The following MMP26 variants were observed in gnomAD, a reference collection of about 807,000 sequenced individuals.
MMP26 encodes the protein matrix metalloproteinase-26.
MMP26 carries 33 observed loss-of-function variants against 31.0 expected under a neutral mutation model. The ratio of observed to expected loss-of-function variants is 1.06; its 90% CI spans 0.81 to 1.42. The LOEUF is 1.42. Ranked by LOEUF, MMP26 falls within the 40% of genes most tolerant of loss-of-function variation. The probability of loss-of-function intolerance (pLI) is 0.00; values close to 1 mark genes in which losing one functional copy is unlikely to be tolerated. For synonymous variants in MMP26, 122 were observed against 114.9 expected (o/e 1.06, Z -0.40); for missense variants, 347 against 316.1 (o/e 1.10, Z -0.74).
Position 4,955,861 on chromosome 11 carries a change from G to C in MMP26, c.-144-32207G>C, listed in dbSNP as rs1268233065. ...TTGTGGCTTCTTTCAGCTTTCTTTTGAGAGAACAAAGCATTTATGTGGCTA... is the reference window on the plus strand; with the variant it reads ...TTGTGGCTTCTTTCAGCTTTCTTTTCAGAGAACAAAGCATTTATGTGGCTA... On this transcript the variant is annotated intron_variant, in intron 2 of 7. Transcript: ENST00000380390. 4 of 618,810 alleles carry C rather than the reference G, an allele frequency of 6.5e-6. No homozygotes were observed. In the African/African-American group the frequency reaches 7.4e-5, roughly 11 times the overall value. The allele number at this position is 618,810 out of a possible 1,614,324, so 38.3% of individuals were successfully genotyped here.
rs116760629 is a variant in MMP26 at position 4,850,296 on chromosome 11, C to T, written c.-145+82955C>T. Among the ~76,000 whole-genome samples the T allele has an allele frequency of 5.5e-3, 839 of 152,254 alleles. 8 individuals are homozygous for T. The highest frequency in any genetic ancestry group is 0.019 in the African/African-American group (801 of 41,550). The stretch of plus-strand genomic sequence containing the variant: ...ATAATCCAAAGCAGATCTTAACAGA[C>T]ACATCTTAATGCCTCTTTCAGAGTC... On this transcript the variant is annotated intron_variant, in intron 2 of 7. Coordinates refer to ENST00000380390, the MANE Select transcript of MMP26 (RefSeq NM_021801.5).
intron 1 of MMP26, among the ~76,000 whole-genome samples, chr11:4,725,362 G>A (rs983533687): frequency 2.6e-5 from 4 of 152,286 alleles, no homozygotes; most frequent in East Asian, 1.9e-4. Flanking sequence ...ATAGAGGAAC[G>A]CATATATAAC....
intron 1 of MMP26, among the ~76,000 whole-genome samples, chr11:4,734,335 A>C (rs1041335484): frequency 3.3e-5 from 5 of 152,116 alleles, no homozygotes; most frequent in African/African-American, 1.2e-4. Flanking sequence ...ACTTGTATCA[A>C]ATAATTAACT....
In MMP26 at chr11:4,975,500, T is replaced by C. The variant is rs533459318; in HGVS notation, c.-144-12568T>C. ...TCTATCAGGGCTTGTAAGATTGTTA[T>C]TTGCTTATTTATTCCATATGGCTGA... On this transcript the variant is annotated intron_variant, in intron 2 of 7. Coordinates refer to ENST00000380390, the MANE Select transcript of MMP26 (RefSeq NM_021801.5). Among the ~76,000 whole-genome samples, 10 of 152,202 alleles carry C rather than the reference T, an allele frequency of 6.6e-5. No individual in the cohort carries two copies. The East Asian group carries it at 1.4e-3, about 21-fold the overall frequency.
chr11:4,859,623 T>A, intron 2 of MMP26: 1 of 440,826 alleles, frequency 2.3e-6, no homozygotes. Flanking sequence ...GACCCTATTT[T>A]TTTTGCCTCT....
chr11:4,901,165 T>G (rs999581996), intron 2 of MMP26, among the ~76,000 whole-genome samples: 10 of 139,218 alleles, frequency 7.2e-5, no homozygotes, highest in Non-Finnish European at 1.6e-4. Flanking sequence ...TTTTTTTTTT[T>G]TTTTTTTTTT....
chr11:4,976,251 T>A (rs1305000580), intron 2 of MMP26, among the ~76,000 whole-genome samples: 5 of 151,992 alleles, frequency 3.3e-5, no homozygotes, highest in African/African-American at 4.8e-5. Context: ...TAAAATAAAG[T>A]TCAGTATTTA....
chr11:4,735,089 G>A (rs1848221991), intron 1 of MMP26, among the ~76,000 whole-genome samples: 1 of 152,204 alleles, frequency 6.6e-6, no homozygotes, highest in Admixed American at 6.5e-5. Flanking sequence ...GGGGAAGAAG[G>A]AGAAAGCCCT....
At chr11:4,733,504 C>CT (rs940230281) in intron 1 of MMP26, among the ~76,000 whole-genome samples, 2 of 151,924 alleles carry the variant, frequency 1.3e-5, no homozygotes, top group African/African-American at 4.8e-5. Context: ...AATACAATTG[C>CT]TTTTTTTATT....
intron 1 of MMP26, chr11:4,712,392 A>G (rs1355794719): frequency 6.6e-6 from 1 of 152,208 alleles, no homozygotes; most frequent in Non-Finnish European, 1.5e-5. Flanking sequence ...TTCTCCCAGT[A>G]GAAGCCTGAA....
At chr11:4,874,639 A>G (rs1850356026) in intron 2 of MMP26, among the ~76,000 whole-genome samples, 2 of 151,654 alleles carry the variant, frequency 1.3e-5, no homozygotes, top group African/African-American at 2.4e-5. Context: ...GTTATGATAA[A>G]TACAAAGTTC....
intron 2 of MMP26, chr11:4,875,950 T>C (rs1414768612): frequency 6.6e-6 from 1 of 152,142 alleles, no homozygotes; most frequent in African/African-American, 2.4e-5. Context: ...AGGTCAGAGC[T>C]TTAAATTCCT....
rs1341728648 is a variant in MMP26, at chr11:4,827,275, T to C, written c.-145+59934T>C. Among the ~76,000 whole-genome samples, 4 of 152,176 alleles carry C rather than the reference T, an allele frequency of 2.6e-5. No individual in the cohort carries two copies. In the East Asian group the frequency reaches 7.7e-4, roughly 29 times the overall value. Reference sequence around the variant, plus strand: ...AAAATGCAGTCACCTCAGAATGAGGTATGAGCCATTTCTTCTGCTGTACTG... The same window carrying C: ...AAAATGCAGTCACCTCAGAATGAGGCATGAGCCATTTCTTCTGCTGTACTG... On this transcript the variant is annotated intron_variant, in intron 2 of 7. Coordinates refer to ENST00000380390, the MANE Select transcript of MMP26 (RefSeq NM_021801.5).
chr11:4,912,431 G>A (rs1052347425), intron 2 of MMP26, among the ~76,000 whole-genome samples: 4 of 152,122 alleles, frequency 2.6e-5, no homozygotes, highest in Non-Finnish European at 5.9e-5. Context: ...ATCACAGAGA[G>A]AATCCAGCTG....
Position 4,989,830 on chromosome 11 carries a change from A to G in MMP26, c.282A>G (p.Pro94=), listed in dbSNP as rs1183233066. The change falls in exon 4 of 8, where the codon CCA becomes CCG. Residue 94 remains proline, a synonymous_variant. Coordinates refer to ENST00000380390, the MANE Select transcript of MMP26 (RefSeq NM_021801.5). The stretch of plus-strand genomic sequence containing the variant: ...ATGGGTCCGACACCTCCATCTCGCC[A>G]GGAAGATGCAAGTGGAATAAGCACA... ...VPDGSDTSIS[P]GRCKWNKHTL... is the part of the protein sequence containing the mutation. The G allele has an allele frequency of 6.2e-7, 1 of 1,612,054 alleles. No individual in the cohort carries two copies. The highest frequency in any genetic ancestry group is 1.7e-5 in the Admixed American group (1 of 60,030).
At chr11:4,709,263 T>A (rs930162448) in intron 1 of MMP26, among the ~76,000 whole-genome samples, 3 of 152,176 alleles carry the variant, frequency 2.0e-5, no homozygotes, top group Admixed American at 6.6e-5. Flanking sequence ...CATTTTCTAT[T>A]ATTGAAACTA....
At chr11:4,981,302 T>C (rs1175237628) in intron 2 of MMP26, among the ~76,000 whole-genome samples, 1 of 152,118 alleles carries the variant, frequency 6.6e-6, no homozygotes, top group African/African-American at 2.4e-5. Flanking sequence ...AGAAATGCAT[T>C]GTCATGAGAA....
intron 1 of MMP26, chr11:4,719,704 T>C (rs979005821): frequency 1.3e-5 from 2 of 152,238 alleles, no homozygotes; most frequent in African/African-American, 4.8e-5. Context: ...GACTGTGAAC[T>C]CAGAGAGATT....
rs1328682562 is a variant in MMP26, at chr11:4,731,445, G to A, written c.-217+26400G>A. 3.9e-5 allele frequency among the ~76,000 whole-genome samples: 6 copies of A among 152,230 alleles called. No homozygotes were observed. In the East Asian group the frequency reaches 1.2e-3, roughly 29 times the overall value. ...GTGTAAGTTTTTTCAGTATGAAGAT[G>A]AGAGCTCTAAGTATCCACTGGCATA... is the stretch of plus-strand genomic sequence containing the variant. On this transcript the variant is annotated intron_variant, in intron 1 of 7. Coordinates refer to ENST00000380390, the MANE Select transcript of MMP26 (RefSeq NM_021801.5).
Sources: allele counts gnomAD v4.1 joint callset (sites outside exome capture counted in the v4.1 genomes callset), GRCh38; gene constraint gnomAD v4.1.1; transcripts MANE v1.5; gene names NCBI Gene and HGNC (gene_info 2026-07-23, HGNC 2026-07-21).